IGSF22: variants seen among roughly 807,000 people sequenced by gnomAD.
The protein encoded by IGSF22 is immunoglobulin superfamily, member 22.
Under a neutral mutation model 127.0 loss-of-function variants are expected in IGSF22, and 119 were observed. The ratio of observed to expected loss-of-function variants is 0.94; its 90% CI spans 0.81 to 1.09. The LOEUF is 1.09. IGSF22 is among the 50% of genes least tolerant of loss of function. IGSF22 has a pLI of 0.00. For synonymous variants in IGSF22, 568 were observed against 664.7 expected, an observed-to-expected ratio of 0.85 and a Z score of 2.24; for missense variants, 1,518 against 1,716.6, an observed-to-expected ratio of 0.88 and a Z score of 2.04.
At chr11:18,717,899 C>T (rs748281495) in intron 9 of IGSF22, 32 bp downstream of exon 9, 3 of 1,603,916 alleles carry the variant, frequency 1.9e-6, no homozygotes, top group South Asian at 2.2e-5. Context: ...CCGACATGTC[C>T]TCCTTGTGCC....
At position 18,714,316 on chromosome 11, in the gene IGSF22, C is replaced by A; in HGVS notation, c.1759G>T (p.Ala587Ser). 2 of 1,614,192 alleles carry A rather than the reference C, an allele frequency of 1.2e-6. No homozygotes were observed. The highest frequency in any genetic ancestry group is 1.7e-6 in the Non-Finnish European group (2 of 1,180,024). Residue 587 changes from alanine (A) to serine (S), a missense_variant, in exon 13 of 23, where the codon GCC (alanine) becomes TCC (serine). Coordinates refer to ENST00000513874, the MANE Select transcript of IGSF22 (RefSeq NM_173588.4). ...PEHEGKYTFRAKGTESEASVF... is the reference protein window; with the variant it reads ...PEHEGKYTFRSKGTESEASVF... ...GAGGCTTCACTTTCCGTGCCCTTGG[C>A]CCGGAATGTGTACTTGCCCTCGTGC... is the stretch of plus-strand genomic sequence containing the variant.
intron 1 of IGSF22, among the ~76,000 whole-genome samples, chr11:18,724,841 A>G (rs752247535): frequency 6.6e-6 from 1 of 152,178 alleles, no homozygotes; most frequent in Non-Finnish European, 1.5e-5. Context: ...ATTCAATCAC[A>G]TAGTTAAAGA....
At chr11:18,725,517 G>A (rs1008498742) in intron 1 of IGSF22, among the ~76,000 whole-genome samples, 1 of 151,472 alleles carries the variant, frequency 6.6e-6, no homozygotes, top group Admixed American at 6.6e-5. Flanking sequence ...CTTGGCCCAC[G>A]ACAACCTCTG....
In IGSF22 at chr11:18,709,383, T is replaced by A. The variant is rs372789489; in HGVS notation, c.2998+4A>T. The A allele has an allele frequency of 6.2e-7, 1 of 1,612,974 alleles. No individual in the cohort carries two copies. The highest frequency in any genetic ancestry group is 8.5e-7 in the Non-Finnish European group (1 of 1,179,568). On this transcript the variant is annotated splice_donor_region_variant and intron_variant, in intron 18 of 22. Transcript: ENST00000513874. This position sits in a 1 kb window ranked among gnomAD's most constrained non-coding sequence, Gnocchi z 4.8. ...TGAATCCCCAGCCCTCTCTGTGTCCTCACCTGGTGGTGGCATGGCACGGAC... is the reference window on the plus strand; with the variant it reads ...TGAATCCCCAGCCCTCTCTGTGTCCACACCTGGTGGTGGCATGGCACGGAC...
chr11:18,721,214 C>T (rs1848565336), intron 4 of IGSF22, among the ~76,000 whole-genome samples: 1 of 152,244 alleles, frequency 6.6e-6, no homozygotes, highest in Admixed American at 6.5e-5. Context: ...CCGTCTTGGT[C>T]CCGCGTTCCT....
chr11:18,723,069 T>C (rs1437524634), intron 2 of IGSF22, among the ~76,000 whole-genome samples: 1 of 152,372 alleles, frequency 6.6e-6, no homozygotes, highest in African/African-American at 2.4e-5. Context: ...GAATAGTGGC[T>C]GCCCCTTTAG....
intron 4 of IGSF22, 23 bp downstream of exon 4, chr11:18,721,512 G>A: frequency 6.2e-7 from 1 of 1,614,124 alleles, no homozygotes; most frequent in South Asian, 1.1e-5. Flanking sequence ...CTCGGTAACT[G>A]GACTTGGGCT....
chr11:18,721,796 G>T, intron 3 of IGSF22, 114 bp downstream of exon 3: 1 of 1,584,616 alleles, frequency 6.3e-7, no homozygotes, highest in Non-Finnish European at 8.6e-7. Context: ...AGGAACCCTC[G>T]GCCAGGCTCT....
Position 18,724,232 on chromosome 11 carries a change from G to A in IGSF22, c.5C>T (p.Thr2Ile). 6.2e-7 allele frequency: 1 copy of A among 1,613,480 alleles called. No individual in the cohort carries two copies. Among genetic ancestry groups the A allele is most frequent in the Non-Finnish European group, 8.5e-7 (1 of 1,179,476 alleles). The change falls in exon 2 of 23, where the codon ACA (threonine) becomes ATA (isoleucine). Residue 2 changes from threonine to isoleucine, a missense_variant. Physicochemically the swap from Thr to Ile is moderately conservative, Grantham distance 89 (BLOSUM62 -1). This residue lies in a region of IGSF22 where 1,456 missense variants were observed against 1,644.9 expected (regional missense o/e 0.89). Coordinates refer to ENST00000513874, the MANE Select transcript of IGSF22 (RefSeq NM_173588.4). Reference protein sequence around the residue: MTTIHSRQMLQE... With the variant: MITIHSRQMLQE... Reference sequence around the variant, plus strand: ...CAGCATCTGCCGGCTGTGAATGGTTGTCATGGTGACAGCAGGCGTGGGCAC... The same window carrying A: ...CAGCATCTGCCGGCTGTGAATGGTTATCATGGTGACAGCAGGCGTGGGCAC...
At chr11:18,706,858 T>A in intron 21 of IGSF22, 56 bp downstream of exon 21, 1 of 1,365,242 alleles carries the variant, frequency 7.3e-7, no homozygotes, top group Non-Finnish European at 9.8e-7. Context: ...GACCCTTATG[T>A]CATCCCCACC....
chr11:18,711,108 A>G (rs1848347920), intron 15 of IGSF22, among the ~76,000 whole-genome samples: 1 of 151,246 alleles, frequency 6.6e-6, no homozygotes, highest in Non-Finnish European at 1.5e-5. Context: ...GCACATTAAC[A>G]TCAAGTGGGA....
chr11:18,710,799 C>T lies in IGSF22; in HGVS notation c.2428G>A (p.Val810Met). Reference sequence around the variant, plus strand: ...ACGGCTTCTTTAGTCACATCAGTCACTTGAGGCTGGGAGGCAAAACCAGGA... The same window carrying T: ...ACGGCTTCTTTAGTCACATCAGTCATTTGAGGCTGGGAGGCAAAACCAGGA... ...EPPGFASQPQ[V>M]TDVTKEAVTI... The change falls in exon 16 of 23, where the codon GTG becomes ATG. Residue 810 changes from valine to methionine, a missense_variant. This residue lies in a region of IGSF22 where 1,456 missense variants were observed against 1,644.9 expected (regional missense o/e 0.89). Transcript: ENST00000513874. 6.2e-7 allele frequency: 1 copy of T among 1,613,840 alleles called. No homozygotes were observed. The highest frequency in any genetic ancestry group is 8.5e-7 in the Non-Finnish European group (1 of 1,179,716).
chr11:18,717,696 C>T (rs1024215821), intron 9 of IGSF22, among the ~76,000 whole-genome samples: 1 of 152,158 alleles, frequency 6.6e-6, no homozygotes, highest in African/African-American at 2.4e-5. Flanking sequence ...CCACGCCTGG[C>T]CTAGAGTCTA....
chr11:18,724,217 CG>C lies in IGSF22; in HGVS notation c.19del (p.Arg7GlyfsTer34). 3 of 1,613,732 alleles carry C rather than the reference CG, an allele frequency of 1.9e-6. No individual in the cohort carries two copies. The highest frequency in any genetic ancestry group is 2.5e-6 in the Non-Finnish European group (3 of 1,179,704). On this transcript the variant is annotated frameshift_variant, in exon 2 of 23. Coordinates refer to ENST00000513874, the MANE Select transcript of IGSF22 (RefSeq NM_173588.4). LOFTEE classifies it high-confidence loss of function. Reference protein sequence around the residue: MTTIHSRQMLQEHVSME... With the variant: MTTIHSXQMLQEHVSME... ...GGACACGTGCTCCTGCAGCATCTGC[CG>C]GCTGTGAATGGTTGTCATGGTGACA...
In IGSF22 at chr11:18,714,592, C is replaced by T. The variant is rs200364605; in HGVS notation, c.1564G>A (p.Asp522Asn). 1.7e-4 allele frequency: 274 copies of T among 1,614,180 alleles called. No homozygotes were observed. The highest frequency in any genetic ancestry group is 3.3e-4 in the Admixed American group (20 of 60,026). The stretch of plus-strand genomic sequence containing the variant: ...GGGCTCCCAGTGGCCGCGTGCACGT[C>T]GGACATCCCGCTCTTCACTGTGGCC... ...RLATVKSGMSDVHAATGSPAE... is the reference protein window; with the variant it reads ...RLATVKSGMSNVHAATGSPAE... The change falls in exon 12 of 23, where the codon GAC (aspartate) becomes AAC (asparagine). Residue 522 changes from aspartate to asparagine, a missense_variant. This residue lies in a region of IGSF22 where 1,456 missense variants were observed against 1,644.9 expected (regional missense o/e 0.89). Coordinates refer to ENST00000513874, the MANE Select transcript of IGSF22 (RefSeq NM_173588.4).
Position 18,719,791 on chromosome 11 carries a change from GC to G in IGSF22, c.620del (p.Cys207SerfsTer19), listed in dbSNP as rs769790972. ...GAAAGTCGGTGAAACCATACTCCAT[GC>G]ACACCTTCTCAAAGTCTTTCTTGGG... ...KVPKKDFEKVCMEYGFTDFRG... is the reference protein window; with the variant it reads ...KVPKKDFEKVXMEYGFTDFRG... On this transcript the variant is annotated frameshift_variant, in exon 7 of 23. Transcript: ENST00000513874. LOFTEE classifies it high-confidence loss of function. 3 of 1,614,170 alleles carry G rather than the reference GC, an allele frequency of 1.9e-6. No individual in the cohort carries two copies. The South Asian group carries it at 3.3e-5, about 18-fold the overall frequency.
At position 18,706,921 on chromosome 11, in the gene IGSF22, CTTA is replaced by C. The variant is rs761936333; in HGVS notation, c.3570_3572del (p.Asn1190del). On this transcript the variant is annotated inframe_deletion, in exon 21 of 23. Transcript: ENST00000513874. The stretch of plus-strand genomic sequence containing the variant: ...TGCAAGTCCCAGACTCACTCTGGTC[CTTA>C]TTGATGAGCCAGGTGTCCCTGGAGT... The C allele has an allele frequency of 4.6e-6, 7 of 1,506,892 alleles. No homozygotes were observed. The highest frequency in any genetic ancestry group is 6.2e-6 in the Non-Finnish European group (7 of 1,122,748). 93.3% of individuals were successfully genotyped at this position (1,506,892 alleles called of 1,614,324 possible).
At position 18,716,783 on chromosome 11, in the gene IGSF22, G is replaced by A. The variant is rs76423295; in HGVS notation, c.1191C>T (p.Gly397=). Residue 397 remains glycine, a synonymous_variant, in exon 10 of 23, where the codon GGC becomes GGT. Coordinates refer to ENST00000513874, the MANE Select transcript of IGSF22 (RefSeq NM_173588.4). The surrounding 1 kb of genome is among the most constrained non-coding windows in gnomAD (Gnocchi z 4.5). Reference sequence around the variant, plus strand: ...GGTTCCCCGCCTCAGCAGAGAACTCGCCGCTGTCACTGAGTCTGGCATCCT... The same window carrying A: ...GGTTCCCCGCCTCAGCAGAGAACTCACCGCTGTCACTGAGTCTGGCATCCT... ...KIKDARLSDS[G]EFSAEAGNLV... 1.8e-3 allele frequency: 2,938 copies of A among 1,614,176 alleles called. 53 individuals are homozygous for A. In the African/African-American group the frequency reaches 0.032, roughly 18 times the overall value.
Position 18,715,672 on chromosome 11 carries a change from T to C in IGSF22, c.1291A>G (p.Lys431Glu). The change falls in exon 11 of 23, where the codon AAA becomes GAA. Residue 431 changes from lysine to glutamate, a missense_variant. Around this residue, in one of 3 missense-constraint regions of IGSF22, gnomAD observed 1,456 missense variants for 1,644.9 expected, o/e 0.89. Coordinates refer to ENST00000513874, the MANE Select transcript of IGSF22 (RefSeq NM_173588.4). ...FVSNLKNVRV[K>E]ERSRACLECE... Reference sequence around the variant, plus strand: ...TCCAGGCATGCGCGACTCCTCTCTTTCACACGTACATTTTTGAGGTTGCTC... The same window carrying C: ...TCCAGGCATGCGCGACTCCTCTCTTCCACACGTACATTTTTGAGGTTGCTC... 2 of 1,613,578 alleles carry C rather than the reference T, an allele frequency of 1.2e-6. No homozygotes were observed. The highest frequency in any genetic ancestry group is 1.7e-6 in the Non-Finnish European group (2 of 1,179,880).
Sources: allele counts gnomAD v4.1 joint callset (sites outside exome capture counted in the v4.1 genomes callset), GRCh38; gene constraint gnomAD v4.1.1; regional missense constraint gnomAD v4.1.1; non-coding constraint Gnocchi (gnomAD v3.1); transcripts MANE v1.5; gene names NCBI Gene and HGNC (gene_info 2026-07-23, HGNC 2026-07-21).